Variants in TEAD1 observed in about 807,000 individuals in gnomAD.
TEAD1 encodes TEA domain transcription factor 1.
TEAD1 carries 9 observed loss-of-function variants against 54.9 expected under a neutral mutation model. The observed-to-expected ratio is 0.16, with a 90% CI of 0.10 to 0.29. The LOEUF is 0.29. TEAD1 is among the 10% of genes least tolerant of loss of function. The pLI is 1.00. For synonymous variants in TEAD1, 200 were observed against 187.8 expected (o/e 1.07, Z -0.53); for missense variants, 387 against 535.9 (o/e 0.72, Z 2.74).
chr11:12,786,858 G>C (rs941653769), intron 3 of TEAD1, among the ~76,000 whole-genome samples: 2 of 152,220 alleles, frequency 1.3e-5, no homozygotes, highest in African/African-American at 4.8e-5. Flanking sequence ...CAAACCTGAA[G>C]AAGATGAGGG....
chr11:12,797,988 G>A (rs1016471685), intron 3 of TEAD1, among the ~76,000 whole-genome samples: 3 of 152,096 alleles, frequency 2.0e-5, no homozygotes, highest in Admixed American at 1.3e-4. Context: ...ACCTGGATGA[G>A]TCTCTAGCTA....
chr11:12,925,362 G>A (rs1217921267), intron 11 of TEAD1, among the ~76,000 whole-genome samples: 2 of 152,146 alleles, frequency 1.3e-5, no homozygotes, highest in African/African-American at 4.8e-5. Flanking sequence ...GGAGAAAGGT[G>A]GGTGGGAACC....
At chr11:12,928,894 T>C (rs12575399) in intron 11 of TEAD1, among the ~76,000 whole-genome samples, 97,653 of 151,862 alleles carry the variant, frequency 0.64, 31,574 homozygotes, top group South Asian at 0.76. Context: ...AATATTCTCT[T>C]AGCAGTTTTC....
At chr11:12,910,843 T>G (rs1007184582) in intron 10 of TEAD1, among the ~76,000 whole-genome samples, 1 of 146,856 alleles carries the variant, frequency 6.8e-6, no homozygotes, top group Non-Finnish European at 1.5e-5. Context: ...GCCTGTCGGG[T>G]TCAAGCGATT....
Position 12,938,796 on chromosome 11 carries a change from A to C in TEAD1, c.*1574A>C, listed in dbSNP as rs1949132584. 6.6e-6 allele frequency: 1 copy of C among 152,282 alleles called. No homozygotes were observed. Among genetic ancestry groups the C allele is most frequent in the Non-Finnish European group, 1.5e-5 (1 of 68,058 alleles). 9.4% of individuals were successfully genotyped at this position (152,282 alleles called of 1,614,324 possible). A position where few individuals can be genotyped will look rare whatever the true frequency, so the allele number is the denominator to read the frequency against. ...TTAAGTGTTTCACTGGGGAGAGAAC[A>C]GGGAGTGCTCCTCCAGCTTCCCAAA... On this transcript the variant is annotated 3_prime_UTR_variant, in exon 13 of 13. Transcript: ENST00000527636.
In TEAD1 at chr11:12,722,653, T is replaced by C. The variant is rs563280403; in HGVS notation, c.-54-41526T>C. Among the ~76,000 whole-genome samples the C allele has an allele frequency of 6.5e-5, 9 of 138,684 alleles. No individual in the cohort carries two copies. In the South Asian group the frequency reaches 1.7e-3, roughly 26 times the overall value. The allele number at this position is 138,684 out of a possible 152,430, so 91.0% of individuals were successfully genotyped here. On this transcript the variant is annotated intron_variant, in intron 2 of 12. Coordinates refer to ENST00000527636, the MANE Select transcript of TEAD1 (RefSeq NM_021961.6). Reference sequence around the variant, plus strand: ...CCCTGTGATTTCTCTCTCTTTCTTTTTTTTTTTTTTTCACAAAAATACACT... The same window carrying C: ...CCCTGTGATTTCTCTCTCTTTCTTTCTTTTTTTTTTTCACAAAAATACACT...
chr11:12,713,772 C>T (rs931148154), intron 2 of TEAD1, among the ~76,000 whole-genome samples: 37 of 152,162 alleles, frequency 2.4e-4, no homozygotes, highest in African/African-American at 8.2e-4. Flanking sequence ...CCTGGTTGTT[C>T]GCCTTTTCCA....
chr11:12,836,765 C>T (rs1281427715), intron 3 of TEAD1, among the ~76,000 whole-genome samples: 2 of 152,214 alleles, frequency 1.3e-5, no homozygotes, highest in Non-Finnish European at 2.9e-5. Flanking sequence ...ATTCCACCAA[C>T]TAGTTTATCT....
chr11:12,767,652 C>T (rs1054702331), intron 3 of TEAD1, among the ~76,000 whole-genome samples: 4 of 152,148 alleles, frequency 2.6e-5, no homozygotes, highest in African/African-American at 9.7e-5. Context: ...TCGCTTTCTG[C>T]TAACTTGGTC....
chr11:12,783,938 A>G (rs1564938626), intron 3 of TEAD1, among the ~76,000 whole-genome samples: 2 of 152,080 alleles, frequency 1.3e-5, no homozygotes, highest in African/African-American at 2.4e-5. Flanking sequence ...ATACACAGGA[A>G]GGGGGGATGG....
chr11:12,827,004 C>G (rs1046449179), intron 3 of TEAD1, among the ~76,000 whole-genome samples: 4 of 152,182 alleles, frequency 2.6e-5, no homozygotes, highest in Non-Finnish European at 5.9e-5. Flanking sequence ...ATAGGGAATT[C>G]CTCTCAACTC....
rs569357115 is a variant in TEAD1 at position 12,735,781 on chromosome 11, G to A, written c.-54-28398G>A. 1.1e-4 allele frequency among the ~76,000 whole-genome samples: 17 copies of A among 152,224 alleles called. 1 individual carries two copies. In the South Asian group the frequency reaches 3.5e-3, roughly 32 times the overall value. The stretch of plus-strand genomic sequence containing the variant: ...ATTAGAGTTATCTCTTGGTGTATCT[G>A]CCTCTCTCACTGGACTGTGAAATCT... On this transcript the variant is annotated intron_variant, in intron 2 of 12. Coordinates refer to ENST00000527636, the MANE Select transcript of TEAD1 (RefSeq NM_021961.6).
At chr11:12,712,109 C>A (rs539427955) in intron 2 of TEAD1, among the ~76,000 whole-genome samples, 2 of 152,152 alleles carry the variant, frequency 1.3e-5, no homozygotes, top group Admixed American at 6.5e-5. Flanking sequence ...CAGTCCCCAA[C>A]CTTATGGGGC....
intron 3 of TEAD1, among the ~76,000 whole-genome samples, chr11:12,857,050 T>C (rs1312563828): frequency 6.6e-6 from 1 of 152,218 alleles, no homozygotes; most frequent in Admixed American, 6.5e-5. Context: ...ACCAGTCTTC[T>C]ATCTGGTAAG....
At chr11:12,733,223 G>C (rs1224660788) in intron 2 of TEAD1, among the ~76,000 whole-genome samples, 1 of 152,182 alleles carries the variant, frequency 6.6e-6, no homozygotes, top group Non-Finnish European at 1.5e-5. Context: ...GCTGGGCTTT[G>C]GACCCAGCGG....
chr11:12,881,192 T>A (rs1412367093), intron 7 of TEAD1, 141 bp downstream of exon 7: 2 of 933,242 alleles, frequency 2.1e-6, no homozygotes, highest in African/African-American at 3.3e-5. Context: ...ATCCCCTTTT[T>A]ATTGTGTACT....
chr11:12,723,898 T>G (rs1193262251), intron 2 of TEAD1, among the ~76,000 whole-genome samples: 1 of 152,188 alleles, frequency 6.6e-6, no homozygotes, highest in East Asian at 1.9e-4. Flanking sequence ...TTTTTCAAGT[T>G]GGTCTTGAAT....
intron 3 of TEAD1, among the ~76,000 whole-genome samples, chr11:12,808,463 C>T (rs766529203): frequency 1.9e-4 from 29 of 152,264 alleles, no homozygotes; most frequent in East Asian, 1.9e-4. Flanking sequence ...CCTTCCTCTT[C>T]GCTAAGCCTC....
intron 10 of TEAD1, among the ~76,000 whole-genome samples, chr11:12,914,283 A>G (rs1948670891): frequency 4.6e-5 from 7 of 152,230 alleles, no homozygotes; most frequent in Admixed American, 4.6e-4. Flanking sequence ...TCTGCACAAT[A>G]AAGGGGCCCT....
Sources: gnomAD v4.1 joint callset for allele counts (sites outside exome capture counted in the v4.1 genomes callset) on GRCh38, gnomAD v4.1.1 for gene constraint, MANE v1.5 for transcripts, NCBI Gene and HGNC (gene_info 2026-07-23, HGNC 2026-07-21) for gene names.